Variants in SH3TC1 observed in about 807,000 individuals in gnomAD.
SH3TC1 encodes the protein SH3 domain and tetratricopeptide repeats 1.
In SH3TC1, 135 loss-of-function variants were observed where a neutral mutation model predicts 117.3. The ratio of observed to expected loss-of-function variants is 1.15; its 90% CI spans 1.00 to 1.33. SH3TC1 has a LOEUF of 1.33. Among genes scored for constraint, SH3TC1 ranks in the 40% most tolerant of loss-of-function variants. The pLI is 0.00. For synonymous variants in SH3TC1, 898 were observed against 816.9 expected (o/e 1.10, Z -1.69); for missense variants, 2,092 against 1,794.3 (o/e 1.17, Z -3.00).
At chr4:8,233,318 CAGG>C (rs1721417349) in intron 13 of SH3TC1, 42 bp from the exon 14 acceptor site, 1 of 1,563,062 alleles carries the variant, frequency 6.4e-7, no homozygotes, top group African/African-American at 1.4e-5. Flanking sequence ...AGACTGGTTC[CAGG>C]AGGATGACAG....
Position 8,209,904 on chromosome 4 carries a change from G to C in SH3TC1, c.247+82G>C, listed in dbSNP as rs1013923169. ...CCTGGGCATCCAAGAGTCCAACCCA[G>C]GGCTTCTCAAAGTGTGGCCTCAGAC... On this transcript the variant is annotated intron_variant, in intron 3 of 17. Transcript: ENST00000245105. This position sits in a 1 kb window ranked among gnomAD's most constrained non-coding sequence, Gnocchi z 5.9. 19 of 1,400,774 alleles carry C rather than the reference G, an allele frequency of 1.4e-5. No homozygotes were observed. In the East Asian group the frequency reaches 4.1e-4, roughly 30 times the overall value. 86.8% of individuals were successfully genotyped at this position (1,400,774 alleles called of 1,614,324 possible).
At chr4:8,197,472 C>T (rs573429849), upstream of SH3TC1, among the ~76,000 whole-genome samples, 3 of 152,286 alleles carry the variant, frequency 2.0e-5, no homozygotes, top group South Asian at 4.1e-4. Flanking sequence ...GCCGTGTCCC[C>T]GCAGGGAAGA....
chr4:8,237,620 T>C lies in SH3TC1; in HGVS notation c.3703T>C (p.Tyr1235His), dbSNP rs1254069493. 1.2e-6 allele frequency: 2 copies of C among 1,611,960 alleles called. No homozygotes were observed. The highest frequency in any genetic ancestry group is 1.7e-6 in the Non-Finnish European group (2 of 1,179,294). Residue 1235 changes from tyrosine (Y) to histidine (H), a missense_variant, in exon 17 of 18, where the codon TAC becomes CAC. Physicochemically the swap from Tyr to His is moderately conservative, Grantham distance 83. Transcript: ENST00000245105. Reference protein sequence around the residue: ...PLEFDEETLYYVKVYLVLGDI... With the variant: ...PLEFDEETLYHVKVYLVLGDI... ...GGAGTTTGACGAGGAGACCCTCTAC[T>C]ACGTGAAGGTGTACCTGGTGCTCGG...
chr4:8,195,021 G>T (rs1245394025), upstream of SH3TC1, among the ~76,000 whole-genome samples: 2 of 152,146 alleles, frequency 1.3e-5, no homozygotes, highest in Non-Finnish European at 2.9e-5. Flanking sequence ...CCCTGGGCAG[G>T]TCATGCCTCC....
Position 8,237,454 on chromosome 4 carries a change from C to A in SH3TC1, c.3557-20C>A. Reference sequence around the variant, plus strand: ...CGGGGAGCCACGTCCTCACACCTGCCCCCTTGGCCTGCACCCCAGGGGACC... The same window carrying A: ...CGGGGAGCCACGTCCTCACACCTGCACCCTTGGCCTGCACCCCAGGGGACC... On this transcript the variant is annotated intron_variant, in intron 16 of 17. Transcript: ENST00000245105. The A allele has an allele frequency of 1.3e-6, 2 of 1,507,886 alleles. No individual in the cohort carries two copies. Among genetic ancestry groups the A allele is most frequent in the Non-Finnish European group, 8.9e-7 (1 of 1,127,976 alleles). 93.4% of individuals were successfully genotyped at this position (1,507,886 alleles called of 1,614,324 possible). A position where few individuals can be genotyped will look rare whatever the true frequency, so the allele number is the denominator to read the frequency against.
At position 8,233,462 on chromosome 4, in the gene SH3TC1, G is replaced by A; in HGVS notation, c.3231G>A (p.Gly1077=). 2 of 1,613,894 alleles carry A rather than the reference G, an allele frequency of 1.2e-6. No individual in the cohort carries two copies. The highest frequency in any genetic ancestry group is 1.1e-5 in the South Asian group (1 of 91,034). Residue 1077 remains glycine, a synonymous_variant, in exon 14 of 18, where the codon GGG becomes GGA. Coordinates refer to ENST00000245105, the MANE Select transcript of SH3TC1 (RefSeq NM_018986.5). ...EKEAHAWLQA[G]KIYYILRQSE... ...AGGCGCATGCCTGGCTGCAAGCAGG[G>A]AAGATCTATTACATCTTGCGGCAGA... is the stretch of plus-strand genomic sequence containing the variant.
chr4:8,203,277 C>CGTGTGT (rs112785929), intron 1 of SH3TC1, among the ~76,000 whole-genome samples: 53 of 150,154 alleles, frequency 3.5e-4, no homozygotes, highest in South Asian at 1.3e-3. Flanking sequence ...TGTGCGGGTG[C>CGTGTGT]GTGTGTGTGT....
chr4:8,219,258 G>A, intron 8 of SH3TC1, 77 bp from the exon 9 acceptor site: 7 of 1,397,186 alleles, frequency 5.0e-6, no homozygotes, highest in Non-Finnish European at 6.8e-6. Flanking sequence ...GTTCAGGGTG[G>A]CTGGCATCGG....
At chr4:8,229,882 C>T (rs891179581) in intron 12 of SH3TC1, among the ~76,000 whole-genome samples, 3 of 152,152 alleles carry the variant, frequency 2.0e-5, no homozygotes, top group East Asian at 1.9e-4. Flanking sequence ...GACTTGGAAA[C>T]GCAGGCCAGG....
At position 8,212,746 on chromosome 4, in the gene SH3TC1, G is replaced by A. The variant is rs372342036; in HGVS notation, c.293G>A (p.Arg98Gln). 57 of 1,612,748 alleles carry A rather than the reference G, an allele frequency of 3.5e-5. No individual in the cohort carries two copies. In the East Asian group the frequency reaches 6.2e-4, roughly 18 times the overall value. Residue 98 changes from arginine to glutamine, a missense_variant, in exon 4 of 18, where the codon CGG becomes CAG. By Grantham distance (43) the Arg-to-Gln change is conservative. Transcript: ENST00000245105. ...GCTGTGCGGAGGAAGAGCAGACTGC[G>A]GGACCCCGGCCTACAGCAGACCCTC... is the stretch of plus-strand genomic sequence containing the variant. The part of the protein sequence containing the change: ...LLAVRRKSRL[R>Q]DPGLQQTLRG...
chr4:8,228,522 G>C lies in SH3TC1; in HGVS notation c.2828G>C (p.Arg943Pro), dbSNP rs201130373. 5.6e-6 allele frequency: 9 copies of C among 1,611,234 alleles called. No homozygotes were observed. The Admixed American group carries it at 1.3e-4, about 24-fold the overall frequency. The change falls in exon 12 of 18, where the codon CGG becomes CCG. Residue 943 changes from arginine to proline, a missense_variant. Transcript: ENST00000245105. The stretch of plus-strand genomic sequence containing the variant: ...AGGCTGCCCCTTGGGGAGTGTGGCC[G>C]GGACTTCACCCACGTGCTCCTGCAG... ...FSRLPLGECG[R>P]DFTHVLLQLG... is the part of the protein sequence containing the mutation.
At chr4:8,191,667 A>G (rs1035553046) in intron 1 of SH3TC1, among the ~76,000 whole-genome samples, 1 of 152,122 alleles carries the variant, frequency 6.6e-6, no homozygotes, top group African/African-American at 2.4e-5. Context: ...GCCCGGATAC[A>G]CCCGTCCTCA....
chr4:8,209,035 A>G lies in SH3TC1; in HGVS notation c.173-713A>G, dbSNP rs1451662225. On this transcript the variant is annotated intron_variant, in intron 2 of 17. Coordinates refer to ENST00000245105, the MANE Select transcript of SH3TC1 (RefSeq NM_018986.5). The surrounding 1 kb of genome is among the most constrained non-coding windows in gnomAD (Gnocchi z 5.9). ...CAAACTCTGCAGGACCAATGGCCAG[A>G]GGGGTGACCCCCAGCAGGGAACCAA... is the stretch of plus-strand genomic sequence containing the variant. Among the ~76,000 whole-genome samples, 2 of 152,228 alleles carry G rather than the reference A, an allele frequency of 1.3e-5. No homozygotes were observed. Among genetic ancestry groups the G allele is most frequent in the African/African-American group, 4.8e-5 (2 of 41,472 alleles).
rs1718248029 is a variant in SH3TC1, at chr4:8,206,831, T to TCG, written c.172+1466_172+1467dup. ...TAGGACTTTTACTTTGTGTGTGTACTCGTGTGTGTGTGTGTGTGTGTGTGT... is the reference window on the plus strand; with the variant it reads ...TAGGACTTTTACTTTGTGTGTGTACTCGCGTGTGTGTGTGTGTGTGTGTGTGT... On this transcript the variant is annotated intron_variant, in intron 2 of 17. Transcript: ENST00000245105. The surrounding 1 kb of genome is among the most constrained non-coding windows in gnomAD (Gnocchi z 5.5). Among the ~76,000 whole-genome samples the TCG allele has an allele frequency of 7.4e-6, 1 of 135,136 alleles. No individual in the cohort carries two copies. The highest frequency in any genetic ancestry group is 2.3e-4 in the South Asian group (1 of 4,348). 88.7% of individuals were successfully genotyped at this position (135,136 alleles called of 152,430 possible).
At chr4:8,196,748 A>C (rs1717567262), upstream of SH3TC1, among the ~76,000 whole-genome samples, 1 of 152,078 alleles carries the variant, frequency 6.6e-6, no homozygotes, top group Admixed American at 6.5e-5. The surrounding 1 kb of genome is among the most constrained non-coding windows in gnomAD (Gnocchi z 4.6). Flanking sequence ...TGGGGCTGGC[A>C]GGTGTCTGCA....
At position 8,218,116 on chromosome 4, in the gene SH3TC1, A is replaced by ATG. The variant is rs58534598; in HGVS notation, c.840-136_840-135dup. 2,121 of 470,696 alleles carry ATG rather than the reference A, an allele frequency of 4.5e-3. 6 individuals are homozygous for ATG. Among genetic ancestry groups the ATG allele is most frequent in the African/African-American group, 0.011 (576 of 50,136 alleles). The allele number at this position is 470,696 out of a possible 1,614,324, so 29.2% of individuals were successfully genotyped here. ...CTGAAGGCCACACACCTGGGCAGGC[A>ATG]TGTGTGTGTGTGTGTGTGTGCACGT... On this transcript the variant is annotated intron_variant, in intron 7 of 17. Transcript: ENST00000245105.
chr4:8,225,270 T>C lies in SH3TC1; in HGVS notation c.1285+54T>C. 6.3e-7 allele frequency: 1 copy of C among 1,581,578 alleles called. No individual in the cohort carries two copies. The highest frequency in any genetic ancestry group is 8.6e-7 in the Non-Finnish European group (1 of 1,159,750). Reference sequence around the variant, plus strand: ...TCTGGTTATGAGCTGGGCCTTGGGGTAACGCTGGGGGAGGTGACAAAGCTG... The same window carrying C: ...TCTGGTTATGAGCTGGGCCTTGGGGCAACGCTGGGGGAGGTGACAAAGCTG... On this transcript the variant is annotated intron_variant, in intron 11 of 17. Transcript: ENST00000245105. The surrounding 1 kb of genome is among the most constrained non-coding windows in gnomAD (Gnocchi z 5.5).
intron 15 of SH3TC1, 114 bp downstream of exon 15, chr4:8,235,669 C>A: frequency 7.3e-7 from 1 of 1,372,512 alleles, no homozygotes; most frequent in Non-Finnish European, 9.7e-7. Context: ...CGCCCATGCA[C>A]ATGCTTAGTT....
At chr4:8,200,235 G>T (rs1245808939) in intron 1 of SH3TC1, among the ~76,000 whole-genome samples, 1 of 152,254 alleles carries the variant, frequency 6.6e-6, no homozygotes, top group Non-Finnish European at 1.5e-5. Flanking sequence ...GCCTCCCAGC[G>T]CCAGGCAGCG....
Sources: gnomAD v4.1 joint callset for allele counts (sites outside exome capture counted in the v4.1 genomes callset) on GRCh38, gnomAD v4.1.1 for gene constraint, Gnocchi (gnomAD v3.1) non-coding constraint, MANE v1.5 for transcripts, NCBI Gene and HGNC (gene_info 2026-07-23, HGNC 2026-07-21) for gene names.